NEK3: variants seen among roughly 807,000 people sequenced by gnomAD.
NEK3 encodes the protein serine/threonine-protein kinase Nek3.
NEK3 carries 54 observed loss-of-function variants against 66.0 expected under a neutral mutation model. That is an observed-to-expected ratio of 0.82 (90% confidence interval 0.66 to 1.03). The LOEUF is 1.03. NEK3 is among the 50% of genes least tolerant of loss of function. NEK3 has a pLI of 0.00. For synonymous variants in NEK3, 200 were observed against 206.2 expected (o/e 0.97, Z 0.26); for missense variants, 593 against 603.0 (o/e 0.98, Z 0.17).
intron 11 of NEK3, among the ~76,000 whole-genome samples, chr13:52,139,319 T>C (rs904974151): frequency 6.6e-6 from 1 of 152,214 alleles, no homozygotes; most frequent in Non-Finnish European, 1.5e-5. Flanking sequence ...TATTGTATGA[T>C]TCCACTTACA....
chr13:52,140,651 A>ATC (rs1956241371), intron 11 of NEK3, among the ~76,000 whole-genome samples: 1 of 151,934 alleles, frequency 6.6e-6, no homozygotes, highest in African/African-American at 2.4e-5. Context: ...ATAAATGGCG[A>ATC]CCTAAAGTGG....
At chr13:52,144,009 T>A (rs1251545614) in intron 9 of NEK3, 22 bp from the exon 10 acceptor site, 1 of 1,350,000 alleles carries the variant, frequency 7.4e-7, no homozygotes, top group Non-Finnish European at 1.0e-6. Flanking sequence ...AGTTGAGAAT[T>A]TAGAGATGTG....
At position 52,133,771 on chromosome 13, in the gene NEK3, C is replaced by T. The variant is rs752330805; in HGVS notation, c.1354G>A (p.Ala452Thr). 9.4e-6 allele frequency: 15 copies of T among 1,594,486 alleles called. No individual in the cohort carries two copies. The South Asian group carries it at 1.6e-4, about 17-fold the overall frequency. Residue 452 changes from alanine (A) to threonine (T), a missense_variant, in exon 15 of 16, where the codon GCA becomes ACA. By Grantham distance (58) the Ala-to-Thr change is moderately conservative. Transcript: ENST00000610828. The part of the protein sequence containing the change: ...LKGPLSEETE[A>T]SDSVDGGHDS... The stretch of plus-strand genomic sequence containing the variant: ...TGACCTCCATCAACACTGTCCGATG[C>T]TTCTGTTTCTTCAGACAGGGGGCCT...
chr13:52,138,830 C>T (rs1956225743), intron 11 of NEK3, among the ~76,000 whole-genome samples: 1 of 152,008 alleles, frequency 6.6e-6, no homozygotes, highest in Admixed American at 6.6e-5. Flanking sequence ...ACTCAAGAGG[C>T]TGAGGTGGGA....
intron 7 of NEK3, among the ~76,000 whole-genome samples, 166 bp from the exon 8 acceptor site, chr13:52,148,635 A>C (rs1443025924): frequency 6.6e-6 from 1 of 152,238 alleles, no homozygotes; most frequent in Non-Finnish European, 1.5e-5. Context: ...AGTGTTCACA[A>C]TAAAACTCTC....
At chr13:52,143,583 T>G (rs1173730197) in intron 10 of NEK3, among the ~76,000 whole-genome samples, 1 of 152,252 alleles carries the variant, frequency 6.6e-6, no homozygotes, top group Non-Finnish European at 1.5e-5. Flanking sequence ...AGATTAGTGC[T>G]ATATTTTCAT....
At chr13:52,152,545 AAC>A in intron 5 of NEK3, 62 bp downstream of exon 5, 1 of 998,454 alleles carries the variant, frequency 1.0e-6, no homozygotes, top group Non-Finnish European at 1.5e-6. Context: ...TGCATGGCAT[AAC>A]ACAGTAAAAT....
chr13:52,155,727 A>T (rs1956389545), intron 2 of NEK3, among the ~76,000 whole-genome samples: 1 of 152,174 alleles, frequency 6.6e-6, no homozygotes, highest in Non-Finnish European at 1.5e-5. Context: ...CCAAGGCTGG[A>T]GTGCAGTGGC....
chr13:52,149,699 C>G (rs1266034372), intron 7 of NEK3, among the ~76,000 whole-genome samples: 1 of 152,064 alleles, frequency 6.6e-6, no homozygotes. Context: ...GAAACCCCAT[C>G]TCTACTAAAA....
In NEK3 at chr13:52,141,344, A is replaced by G. The variant is rs138214074; in HGVS notation, c.878-275T>C. Among the ~76,000 whole-genome samples the G allele has an allele frequency of 3.2e-3, 484 of 152,334 alleles. 3 individuals are homozygous for G. The highest frequency in any genetic ancestry group is 0.01 in the African/African-American group (435 of 41,582). On this transcript the variant is annotated intron_variant, in intron 10 of 15. Transcript: ENST00000610828. ...TTCACTTATGCCAACCCATTTAAGC[A>G]CTAAGAGGTAACATACTCTGCATAC...
chr13:52,158,499 A>G (rs1052499589), intron 1 of NEK3, among the ~76,000 whole-genome samples: 1 of 152,210 alleles, frequency 6.6e-6, no homozygotes, highest in African/African-American at 2.4e-5. Flanking sequence ...AAGTTTCCCC[A>G]TGATCTTATT....
intron 8 of NEK3, among the ~76,000 whole-genome samples, chr13:52,146,928 T>G (rs1956299775): frequency 6.6e-6 from 1 of 152,278 alleles, no homozygotes; most frequent in South Asian, 2.1e-4. Flanking sequence ...GTAAAAAAGC[T>G]AACCTTCAGC....
intron 1 of NEK3, among the ~76,000 whole-genome samples, chr13:52,157,737 T>C (rs564344707): frequency 5.9e-5 from 9 of 152,232 alleles, no homozygotes; most frequent in Non-Finnish European, 1.3e-4. Flanking sequence ...AAAACGTTCC[T>C]AACACTTTGC....
intron 13 of NEK3, 107 bp downstream of exon 13, chr13:52,136,009 G>A (rs1594020907): frequency 2.0e-6 from 3 of 1,497,472 alleles, no homozygotes; most frequent in East Asian, 2.3e-5. Context: ...ATGCTCTGAT[G>A]TGTGACGCCA....
intron 10 of NEK3, 108 bp downstream of exon 10, chr13:52,143,807 G>A (rs2138198538): frequency 3.1e-6 from 2 of 651,904 alleles, no homozygotes; most frequent in East Asian, 5.9e-5. Context: ...CATTTGAGGA[G>A]TATCTCCGAT....
intron 14 of NEK3, among the ~76,000 whole-genome samples, chr13:52,135,177 T>G (rs1956192809): frequency 6.6e-6 from 1 of 152,162 alleles, no homozygotes; most frequent in African/African-American, 2.4e-5. Flanking sequence ...AAAATTATTT[T>G]ATACAATGTT....
At chr13:52,159,669 TTCTTGGAGTAGC>T (rs1956428464), upstream of NEK3, 1 of 152,256 alleles carries the variant, frequency 6.6e-6, no homozygotes, top group African/African-American at 2.4e-5. Context: ...GGAGGCACTG[TTCTTGGAGTAGC>T]CGGGCCTACG....
chr13:52,147,794 G>A (rs1956306583), intron 8 of NEK3, among the ~76,000 whole-genome samples: 1 of 151,578 alleles, frequency 6.6e-6, no homozygotes, highest in African/African-American at 2.4e-5. Flanking sequence ...CAACATGGGG[G>A]AAAATACAAA....
intron 8 of NEK3, among the ~76,000 whole-genome samples, chr13:52,146,807 T>G (rs1486307978): frequency 6.6e-6 from 1 of 152,170 alleles, no homozygotes; most frequent in East Asian, 1.9e-4. Context: ...GAAGATAACC[T>G]CTCATTAATA....
Sources: allele counts gnomAD v4.1 joint callset (sites outside exome capture counted in the v4.1 genomes callset), GRCh38; gene constraint gnomAD v4.1.1; transcripts MANE v1.5; gene names NCBI Gene and HGNC (gene_info 2026-07-23, HGNC 2026-07-21).